TBC1D1: variants seen among roughly 807,000 people sequenced by gnomAD.
TBC1D1 encodes the protein TBC1 (tre-2/USP6, BUB2, cdc16) domain family, member 1.
TBC1D1 carries 89 observed loss-of-function variants against 125.6 expected under a neutral mutation model. The ratio of observed to expected loss-of-function variants is 0.71; its 90% CI spans 0.60 to 0.85. The LOEUF (loss-of-function observed/expected upper bound fraction) is 0.85. Ranked by LOEUF, TBC1D1 falls within the 40% of genes least tolerant of loss-of-function variation. The pLI is 0.00. For missense variants in TBC1D1, 1,377 were observed against 1,469.2 expected (o/e 0.94, Z 1.03); for synonymous variants, 565 against 564.1 (o/e 1.00, Z -0.02).
chr4:37,912,173 A>T (rs1718761573), intron 2 of TBC1D1, among the ~76,000 whole-genome samples: 1 of 152,160 alleles, frequency 6.6e-6, no homozygotes, highest in Non-Finnish European at 1.5e-5. Context: ...AATTCATTTC[A>T]TGTTGAAGGG....
rs1457095987 is a variant in TBC1D1, at chr4:37,902,179, C to T, written c.84C>T (p.Ser28=). ...ATTTTGGCCTGCAGCTGGTGGGCTC[C>T]CTGCCTGTGCATTCCCTGACCACCA... Residue 28 remains serine, a synonymous_variant, in exon 2 of 20, where the codon TCC becomes TCT. Transcript: ENST00000261439. The T allele has an allele frequency of 1.9e-6, 3 of 1,613,880 alleles. No individual in the cohort carries two copies. Among genetic ancestry groups the T allele is most frequent in the African/African-American group, 2.7e-5 (2 of 74,840 alleles).
chr4:37,917,200 A>G (rs1719911832), intron 2 of TBC1D1, among the ~76,000 whole-genome samples: 1 of 150,686 alleles, frequency 6.6e-6, no homozygotes, highest in Non-Finnish European at 1.5e-5. Context: ...TGGGCCAGGC[A>G]TGGTGGCTCA....
intron 12 of TBC1D1, among the ~76,000 whole-genome samples, chr4:38,073,498 G>T (rs1408874273): frequency 6.6e-6 from 1 of 152,106 alleles, no homozygotes; most frequent in Non-Finnish European, 1.5e-5. Context: ...TCATGTCCTG[G>T]TCGGCCATTT....
intron 12 of TBC1D1, among the ~76,000 whole-genome samples, chr4:38,084,323 A>G (rs1182825105): frequency 1.3e-5 from 2 of 152,218 alleles, no homozygotes; most frequent in Non-Finnish European, 2.9e-5. Flanking sequence ...TCTTTGGAGT[A>G]TTTTCCATAA....
At position 37,995,490 on chromosome 4, in the gene TBC1D1, G is replaced by T; in HGVS notation, c.418-19019G>T. 1 of 254,198 alleles carries T rather than the reference G, an allele frequency of 3.9e-6. No individual in the cohort carries two copies. Among genetic ancestry groups the T allele is most frequent in the Admixed American group, 4.6e-5 (1 of 21,530 alleles). The allele number at this position is 254,198 out of a possible 1,614,324, so 15.7% of individuals were successfully genotyped here. A position where few individuals can be genotyped will look rare whatever the true frequency, so the allele number is the denominator to read the frequency against. On this transcript the variant is annotated intron_variant, in intron 2 of 19. Coordinates refer to ENST00000261439, the MANE Select transcript of TBC1D1 (RefSeq NM_015173.4). This position sits in a 1 kb window ranked among gnomAD's most constrained non-coding sequence, Gnocchi z 4.3. ...GATCATTTGTTTTCCTTCCAGCCCT[G>T]GGCTCAGTACACAGATGGTTTCTCT...
At chr4:38,040,356 T>G (rs2152464002) in intron 8 of TBC1D1, among the ~76,000 whole-genome samples, 1 of 152,346 alleles carries the variant, frequency 6.6e-6, no homozygotes, top group Admixed American at 6.5e-5. Flanking sequence ...CGGCACAATC[T>G]TGGCTCACTG....
At chr4:37,934,441 C>T (rs189993868) in intron 2 of TBC1D1, among the ~76,000 whole-genome samples, 33 of 151,994 alleles carry the variant, frequency 2.2e-4, no homozygotes, top group East Asian at 1.2e-3. Flanking sequence ...CGGGAGGGAG[C>T]GAAGAGAGTA....
At chr4:38,018,510 T>C (rs1743300763) in intron 4 of TBC1D1, 67 bp downstream of exon 4, 1 of 1,028,290 alleles carries the variant, frequency 9.7e-7, no homozygotes, top group African/African-American at 1.6e-5. Flanking sequence ...ATAATATCTA[T>C]CATGTAACAA....
intron 1 of TBC1D1, among the ~76,000 whole-genome samples, chr4:37,894,065 T>A (rs911880838): frequency 3.3e-5 from 5 of 151,264 alleles, no homozygotes; most frequent in Non-Finnish European, 7.4e-5. Flanking sequence ...CTCAGCTCAC[T>A]GCAACCTCCG....
intron 8 of TBC1D1, among the ~76,000 whole-genome samples, chr4:38,043,304 A>G (rs547297978): frequency 1.9e-3 from 288 of 152,174 alleles, no homozygotes; most frequent in Non-Finnish European, 3.2e-3. Context: ...ATTAAAAAAA[A>G]AATGTACCTT....
At chr4:38,004,426 T>A (rs1739670865) in intron 2 of TBC1D1, among the ~76,000 whole-genome samples, 1 of 152,228 alleles carries the variant, frequency 6.6e-6, no homozygotes, top group African/African-American at 2.4e-5. Flanking sequence ...AGGTTGGGAT[T>A]TATACTCGTC....
At chr4:38,098,574 G>T (rs1414547315) in intron 14 of TBC1D1, among the ~76,000 whole-genome samples, 4 of 152,208 alleles carry the variant, frequency 2.6e-5, no homozygotes, top group African/African-American at 9.6e-5. Context: ...TTCCTTATGT[G>T]TTGCCTGACT....
At chr4:38,129,338 G>A (rs141250023) in intron 18 of TBC1D1, among the ~76,000 whole-genome samples, 5 of 152,226 alleles carry the variant, frequency 3.3e-5, no homozygotes, top group African/African-American at 1.2e-4. Context: ...CCGTGGAAAA[G>A]GAGTAGTTTT....
intron 2 of TBC1D1, among the ~76,000 whole-genome samples, chr4:37,921,641 G>C (rs1359583824): frequency 6.6e-6 from 1 of 151,394 alleles, no homozygotes; most frequent in Non-Finnish European, 1.5e-5. Flanking sequence ...TCGATCTCTT[G>C]ACCTCATGAT....
chr4:38,013,893 T>A (rs1306938018), intron 2 of TBC1D1, among the ~76,000 whole-genome samples: 1 of 152,196 alleles, frequency 6.6e-6, no homozygotes, highest in Non-Finnish European at 1.5e-5. Flanking sequence ...TTTGTTGACT[T>A]GCTAGTCACT....
intron 13 of TBC1D1, among the ~76,000 whole-genome samples, chr4:38,090,636 G>A (rs1758271382): frequency 6.6e-6 from 1 of 152,202 alleles, no homozygotes; most frequent in East Asian, 1.9e-4. Context: ...CATGAACTTT[G>A]AAAGTTTAGA....
At chr4:38,013,017 C>T (rs200214537) in intron 2 of TBC1D1, among the ~76,000 whole-genome samples, 40 of 151,976 alleles carry the variant, frequency 2.6e-4, no homozygotes, top group Admixed American at 4.6e-4. Context: ...CTGGTCTCAA[C>T]CTCCTGACCT....
In TBC1D1 at chr4:38,054,411, G is replaced by C. The variant is rs896326605; in HGVS notation, c.2050+73G>C. The stretch of plus-strand genomic sequence containing the variant: ...AGGACCCTGGGAGCCCCATCATATT[G>C]GTAAGAAAGCAGAGCGCCGTCCTCT... On this transcript the variant is annotated intron_variant, in intron 12 of 19. Transcript: ENST00000261439. The C allele has an allele frequency of 4.4e-6, 7 of 1,595,038 alleles. No homozygotes were observed. In the African/African-American group the frequency reaches 9.4e-5, roughly 21 times the overall value.
intron 2 of TBC1D1, among the ~76,000 whole-genome samples, chr4:38,010,253 T>C: frequency 6.6e-6 from 1 of 152,318 alleles, no homozygotes; most frequent in East Asian, 1.9e-4. Flanking sequence ...TCAGCCCTTA[T>C]CCTGTTGTAA....
Sources: allele counts gnomAD v4.1 joint callset (sites outside exome capture counted in the v4.1 genomes callset), GRCh38; gene constraint gnomAD v4.1.1; non-coding constraint Gnocchi (gnomAD v3.1); transcripts MANE v1.5; gene names NCBI Gene and HGNC (gene_info 2026-07-23, HGNC 2026-07-21).